The following LEPR variants were observed in gnomAD, a reference collection of about 807,000 sequenced individuals.
LEPR encodes the protein leptin receptor.
Under a neutral mutation model 114.7 loss-of-function variants are expected in LEPR, and 56 were observed. That is an observed-to-expected ratio of 0.49 (90% confidence interval 0.39 to 0.61). LEPR has a LOEUF of 0.61. Ranked by LOEUF, LEPR falls within the 20% of genes least tolerant of loss-of-function variation. The pLI is 0.00. For synonymous variants in LEPR, 443 were observed against 461.4 expected, an observed-to-expected ratio of 0.96 and a Z score of 0.51; for missense variants, 1,202 against 1,352.9, an observed-to-expected ratio of 0.89 and a Z score of 1.75.
intron 4 of LEPR, 31 bp from the exon 5 acceptor site, chr1:65,572,287 GTTGTTTTT>G (rs1654241117): frequency 1.3e-5 from 13 of 975,490 alleles, no homozygotes; most frequent in Non-Finnish European, 1.7e-5. Context: ...ATTTCATGTA[GTTGTTTTT>G]TTTTTTTTTT....
chr1:65,633,375 C>A lies in LEPR; in HGVS notation c.2674-2816C>A. On this transcript the variant is annotated intron_variant, in intron 19 of 19. Transcript: ENST00000349533. The surrounding 1 kb of genome is among the most constrained non-coding windows in gnomAD (Gnocchi z 4.1). Reference sequence around the variant, plus strand: ...TTGGGTTCAAAATGTAGATTTGAGTCCAGTTTGGATGTGTGATTAATTTTC... The same window carrying A: ...TTGGGTTCAAAATGTAGATTTGAGTACAGTTTGGATGTGTGATTAATTTTC... 1 of 1,334,062 alleles carries A rather than the reference C, an allele frequency of 7.5e-7. No homozygotes were observed. The allele number at this position is 1,334,062 out of a possible 1,614,324, so 82.6% of individuals were successfully genotyped here.
Position 65,565,646 on chromosome 1 carries a change from A to G in LEPR, c.40+41A>G, listed in dbSNP as rs1246016586. 6.2e-6 allele frequency: 10 copies of G among 1,611,296 alleles called. No individual in the cohort carries two copies. The South Asian group carries it at 8.8e-5, about 14-fold the overall frequency. On this transcript the variant is annotated intron_variant, in intron 3 of 19. Transcript: ENST00000349533. ...ATTTGCTGTTTTAATGCCCTTAAAC[A>G]TGGTAGAGATTTTGCCTTTAGAGAT...
intron 14 of LEPR, among the ~76,000 whole-genome samples, chr1:65,614,880 G>A (rs4655556): frequency 0.21 from 31,857 of 151,896 alleles, 4,511 homozygotes; most frequent in East Asian, 0.77. Flanking sequence ...TAGAAACAAG[G>A]GCTATTGGAA....
chr1:65,459,960 AC>A (rs1239704736), intron 2 of LEPR, among the ~76,000 whole-genome samples: 1 of 151,962 alleles, frequency 6.6e-6, no homozygotes, highest in Non-Finnish European at 1.5e-5. Flanking sequence ...GTTAAATGTG[AC>A]CTCATTTGAA....
Position 65,460,757 on chromosome 1 carries a change from G to C in LEPR, c.-21+35379G>C, listed in dbSNP as rs140985877. Among the ~76,000 whole-genome samples, 734 of 151,928 alleles carry C rather than the reference G, an allele frequency of 4.8e-3. 11 individuals are homozygous for C. The highest frequency in any genetic ancestry group is 0.017 in the African/African-American group (710 of 41,478). Reference sequence around the variant, plus strand: ...CTGTAGTCCCAACTACAGGAGAATCGCTTTCACCCGGGAGACTGAGGTTGC... The same window carrying C: ...CTGTAGTCCCAACTACAGGAGAATCCCTTTCACCCGGGAGACTGAGGTTGC... On this transcript the variant is annotated intron_variant, in intron 2 of 19. Transcript: ENST00000349533.
intron 14 of LEPR, among the ~76,000 whole-genome samples, chr1:65,612,561 G>T (rs767073718): frequency 6.6e-6 from 1 of 151,588 alleles, no homozygotes; most frequent in Admixed American, 6.6e-5. Context: ...AGAAGTACTG[G>T]TCGGGTATTT....
At chr1:65,619,189 A>G (rs541976305) in intron 16 of LEPR, among the ~76,000 whole-genome samples, 20 of 152,282 alleles carry the variant, frequency 1.3e-4, no homozygotes, top group Non-Finnish European at 2.2e-4. Flanking sequence ...GGGTAAATTT[A>G]TTTACAAATT....
In LEPR at chr1:65,618,108, T is replaced by C. The variant is rs1303050393; in HGVS notation, c.2357T>C (p.Leu786Pro). 2.5e-6 allele frequency: 4 copies of C among 1,610,446 alleles called. No homozygotes were observed. Among genetic ancestry groups the C allele is most frequent in the Admixed American group, 1.7e-5 (1 of 59,938 alleles). ...NLNEDGEIKW[L>P]RISSSVKKYY... ...AATGAAGATGGTGAAATAAAATGGCTTAGAATCTCTTCATCTGTTAAGAAG... is the reference window on the plus strand; with the variant it reads ...AATGAAGATGGTGAAATAAAATGGCCTAGAATCTCTTCATCTGTTAAGAAG... Residue 786 changes from leucine (L) to proline (P), a missense_variant, in exon 16 of 20, where the codon CTT becomes CCT. Physicochemically the swap from Leu to Pro is moderately conservative, Grantham distance 98. Coordinates refer to ENST00000349533, the MANE Select transcript of LEPR (RefSeq NM_002303.6).
intron 2 of LEPR, among the ~76,000 whole-genome samples, chr1:65,456,690 T>C (rs1646881100): frequency 6.6e-6 from 1 of 152,242 alleles, no homozygotes; most frequent in African/African-American, 2.4e-5. Context: ...TTTTAATCTA[T>C]ACTGTCTATT....
chr1:65,548,034 C>T (rs1651919079), intron 2 of LEPR, among the ~76,000 whole-genome samples: 1 of 151,656 alleles, frequency 6.6e-6, no homozygotes, highest in Non-Finnish European at 1.5e-5. Flanking sequence ...TTTCAAAGAA[C>T]ATCTTTATTT....
In LEPR at chr1:65,489,722, A is replaced by G. The variant is rs189350034; in HGVS notation, c.-21+64344A>G. Reference sequence around the variant, plus strand: ...TGTCCTGGAGAATTTCCCCACATTCATTGGGCTTTTAGTTAATCTCCTCCA... The same window carrying G: ...TGTCCTGGAGAATTTCCCCACATTCGTTGGGCTTTTAGTTAATCTCCTCCA... On this transcript the variant is annotated intron_variant, in intron 2 of 19. Transcript: ENST00000349533. Among the ~76,000 whole-genome samples the G allele has an allele frequency of 3.3e-3, 505 of 152,162 alleles. 1 individual carries two copies. The highest frequency in any genetic ancestry group is 5.4e-3 in the Non-Finnish European group (369 of 67,950).
chr1:65,436,920 C>G (rs1002001088), intron 2 of LEPR, among the ~76,000 whole-genome samples: 8 of 152,220 alleles, frequency 5.3e-5, no homozygotes, highest in African/African-American at 1.9e-4. Context: ...TCAACACTTT[C>G]ATTTCCTCTG....
At chr1:65,556,553 T>A (rs1331607491) in intron 2 of LEPR, among the ~76,000 whole-genome samples, 1 of 152,158 alleles carries the variant, frequency 6.6e-6, no homozygotes, top group Non-Finnish European at 1.5e-5. Context: ...GATACACTTC[T>A]TTCACCAAAT....
rs957153728 is a variant in LEPR at position 65,606,850 on chromosome 1, C to G, written c.1603+1613C>G. ...TGAAGAATTGAATAATCATGATAAA[C>G]TTTACATGACGGAAAAAGTTTAGGT... On this transcript the variant is annotated intron_variant, in intron 11 of 19. Transcript: ENST00000349533. Among the ~76,000 whole-genome samples, 8 of 152,104 alleles carry G rather than the reference C, an allele frequency of 5.3e-5. 1 individual carries two copies. Among genetic ancestry groups the G allele is most frequent in the Admixed American group, 4.6e-4 (7 of 15,276 alleles).
At position 65,626,188 on chromosome 1, in the gene LEPR, C is replaced by T. The variant is rs145018801; in HGVS notation, c.2673+3207C>T. The T allele has an allele frequency of 1.9e-4, 311 of 1,607,140 alleles. No homozygotes were observed. The East Asian group carries it at 3.8e-3, about 19-fold the overall frequency. ...TGACTTAGGAAATGCTTGTAGACTA[C>T]GTCCTACCTCGCTGCCGCACCTGCT... On this transcript the variant is annotated intron_variant, in intron 19 of 19. Transcript: ENST00000349533.
At chr1:65,580,219 CAATT>C (rs1389974081) in intron 5 of LEPR, among the ~76,000 whole-genome samples, 2 of 152,064 alleles carry the variant, frequency 1.3e-5, no homozygotes, top group African/African-American at 4.8e-5. Context: ...TATCTCCAAA[CAATT>C]AAATAGGACT....
At chr1:65,499,929 T>C (rs1402372834) in intron 2 of LEPR, among the ~76,000 whole-genome samples, 1 of 152,130 alleles carries the variant, frequency 6.6e-6, no homozygotes, top group Admixed American at 6.6e-5. Flanking sequence ...AGTTGGGCTG[T>C]GTCCCCCTCC....
intron 2 of LEPR, chr1:65,526,196 C>T: frequency 5.1e-6 from 5 of 984,802 alleles, no homozygotes; most frequent in Non-Finnish European, 6.0e-6. Flanking sequence ...AAACAGTAAA[C>T]CCTGGGGTCC....
chr1:65,436,847 A>G (rs995265939), intron 2 of LEPR, among the ~76,000 whole-genome samples: 1 of 152,244 alleles, frequency 6.6e-6, no homozygotes, highest in Non-Finnish European at 1.5e-5. Context: ...TAATAAAACC[A>G]TCAGTTCAAC....
Sources: gnomAD v4.1 joint callset for allele counts (sites outside exome capture counted in the v4.1 genomes callset) on GRCh38, gnomAD v4.1.1 for gene constraint, Gnocchi (gnomAD v3.1) non-coding constraint, MANE v1.5 for transcripts, NCBI Gene and HGNC (gene_info 2026-07-23, HGNC 2026-07-21) for gene names.